Variants in GMDS observed in about 807,000 individuals in gnomAD.
GMDS encodes the protein GDP-mannose 4,6 dehydratase.
In GMDS, 20 loss-of-function variants were observed where a neutral mutation model predicts 49.9. The ratio of observed to expected loss-of-function variants is 0.40; its 90% confidence interval spans 0.28 to 0.58. The LOEUF is 0.58. GMDS is among the 20% of genes least tolerant of loss of function. The pLI is 0.42. For missense variants in GMDS, 362 were observed against 481.4 expected (o/e 0.75, Z 2.32); for synonymous variants, 177 against 178.6 (o/e 0.99, Z 0.07).
At position 1,960,828 on chromosome 6, in the gene GMDS, C is replaced by T. The variant is rs1354904571; in HGVS notation, c.484G>A (p.Val162Met). ...QASTSELYGK[V>M]QEIPQKETTP... The stretch of plus-strand genomic sequence containing the variant: ...GTCTCCTTCTGGGGTATTTCCTGCA[C>T]TTTCCCATAAAGTTCACTTGTTGAG... Residue 162 changes from valine to methionine, a missense_variant, in exon 5 of 11, where the codon GTG becomes ATG. Val to Met is a conservative substitution (Grantham distance 21). Transcript: ENST00000380815. 1.2e-6 allele frequency: 2 copies of T among 1,611,674 alleles called. No homozygotes were observed. The highest frequency in any genetic ancestry group is 2.2e-5 in the East Asian group (1 of 44,862).
chr6:1,961,051 A>C, intron 4 of GMDS, 85 bp from the exon 5 acceptor site: 25 of 666,780 alleles, frequency 3.7e-5, no homozygotes, highest in Non-Finnish European at 5.8e-5. Context: ...CTACAATTTC[A>C]CACACTGTGA....
intron 4 of GMDS, among the ~76,000 whole-genome samples, chr6:1,961,576 A>C (rs1581426790): frequency 6.6e-6 from 1 of 152,230 alleles, no homozygotes; most frequent in Non-Finnish European, 1.5e-5. Flanking sequence ...GAATAATTCG[A>C]TATTTTGCAG....
chr6:2,209,541 T>C (rs1187753568), intron 1 of GMDS, among the ~76,000 whole-genome samples: 1 of 150,692 alleles, frequency 6.6e-6, no homozygotes, highest in Non-Finnish European at 1.5e-5. Flanking sequence ...ATGTAATGTA[T>C]CTCTAATACA....
chr6:1,752,350 G>A (rs1333073512), intron 7 of GMDS, among the ~76,000 whole-genome samples: 1 of 152,182 alleles, frequency 6.6e-6, no homozygotes, highest in Non-Finnish European at 1.5e-5. Context: ...AGAATGAAAA[G>A]GAATGAACAA....
In GMDS at chr6:2,084,186, C is replaced by T. The variant is rs111713828; in HGVS notation, c.345+31585G>A. 8.7e-4 allele frequency among the ~76,000 whole-genome samples: 132 copies of T among 152,328 alleles called. 1 individual carries two copies. The Middle Eastern group carries it at 0.031, about 36-fold the overall frequency. ...CTTAATTAACCTTTTCCTTCCTCCT[C>T]ATAGATACTCTTCATATCAATTTAT... On this transcript the variant is annotated intron_variant, in intron 4 of 10. Transcript: ENST00000380815.
chr6:1,638,540 G>A (rs963793449), intron 9 of GMDS, among the ~76,000 whole-genome samples: 2 of 115,562 alleles, frequency 1.7e-5, no homozygotes, highest in African/African-American at 6.8e-5. Flanking sequence ...CTATGAGGCC[G>A]TGAGACTCCC....
At chr6:1,752,922 G>A (rs1767788912) in intron 7 of GMDS, among the ~76,000 whole-genome samples, 2 of 152,164 alleles carry the variant, frequency 1.3e-5, no homozygotes, top group South Asian at 4.1e-4. Flanking sequence ...ACCATCCACT[G>A]CAAAAACATG....
chr6:1,679,560 A>C (rs1287290851), intron 9 of GMDS: 1 of 152,272 alleles, frequency 6.6e-6, no homozygotes, highest in Admixed American at 6.5e-5. Flanking sequence ...AAGAAGGTTC[A>C]GATCCATGAG....
At chr6:2,163,709 T>C (rs1581734234) in intron 1 of GMDS, among the ~76,000 whole-genome samples, 1 of 152,210 alleles carries the variant, frequency 6.6e-6, no homozygotes. Context: ...GGACTTCAAA[T>C]ACCTGGTGAT....
intron 1 of GMDS, among the ~76,000 whole-genome samples, chr6:2,233,005 G>A (rs973328891): frequency 6.6e-6 from 1 of 152,184 alleles, no homozygotes; most frequent in African/African-American, 2.4e-5. Flanking sequence ...GGAGGGGATG[G>A]GGAGTGACTG....
In GMDS at chr6:2,012,263, C is replaced by T. The variant is rs182584199; in HGVS notation, c.346-51297G>A. Among the ~76,000 whole-genome samples the T allele has an allele frequency of 5.4e-3, 828 of 151,946 alleles. 12 individuals are homozygous for T. Among genetic ancestry groups the T allele is most frequent in the African/African-American group, 0.019 (795 of 41,432 alleles). On this transcript the variant is annotated intron_variant, in intron 4 of 10. Transcript: ENST00000380815. ...CACACCCCCTAAATTTATAGAAATA[C>T]AAATGAAATAAAATTAAAAGACTGT...
intron 4 of GMDS, among the ~76,000 whole-genome samples, chr6:2,075,617 T>C (rs1772290160): frequency 6.6e-6 from 1 of 152,234 alleles, no homozygotes; most frequent in African/African-American, 2.4e-5. Context: ...TAGTTTTCCA[T>C]GGTGTATATG....
At chr6:2,151,575 T>C (rs930056228) in intron 1 of GMDS, among the ~76,000 whole-genome samples, 25 of 152,078 alleles carry the variant, frequency 1.6e-4, no homozygotes, top group African/African-American at 6.0e-4. Context: ...TAAAAGCTCT[T>C]AGTGTAACCT....
intron 4 of GMDS, among the ~76,000 whole-genome samples, chr6:1,999,053 G>A (rs1766476482): frequency 6.6e-6 from 1 of 152,072 alleles, no homozygotes; most frequent in African/African-American, 2.4e-5. Context: ...GCCAGGTGCG[G>A]TGGCTCACGC....
At chr6:2,062,112 A>G (rs1486289171) in intron 4 of GMDS, among the ~76,000 whole-genome samples, 1 of 152,174 alleles carries the variant, frequency 6.6e-6, no homozygotes, top group East Asian at 1.9e-4. Flanking sequence ...AAGAAACCAA[A>G]GAAAGCCTGC....
At chr6:2,081,509 C>T (rs1562037526) in intron 4 of GMDS, among the ~76,000 whole-genome samples, 1 of 152,158 alleles carries the variant, frequency 6.6e-6, no homozygotes, top group African/African-American at 2.4e-5. Context: ...TAGAGCCCTT[C>T]CATCACCTCA....
chr6:1,756,638 C>T (rs1467057067), intron 7 of GMDS, among the ~76,000 whole-genome samples: 1 of 152,190 alleles, frequency 6.6e-6, no homozygotes, highest in Non-Finnish European at 1.5e-5. Flanking sequence ...AGGACAGTTC[C>T]TCTCTGCTCC....
At chr6:2,002,493 A>C (rs1022941403) in intron 4 of GMDS, among the ~76,000 whole-genome samples, 1 of 152,336 alleles carries the variant, frequency 6.6e-6, no homozygotes, top group African/African-American at 2.4e-5. Context: ...GTCAAATATT[A>C]ATCTAATGAA....
intron 1 of GMDS, among the ~76,000 whole-genome samples, chr6:2,175,329 G>A (rs753142061): frequency 1.1e-4 from 17 of 152,146 alleles, no homozygotes; most frequent in Non-Finnish European, 1.6e-4. Flanking sequence ...AGCAATTTAA[G>A]CAGTCTAAAG....
Sources: allele counts gnomAD v4.1 joint callset (sites outside exome capture counted in the v4.1 genomes callset), GRCh38; gene constraint gnomAD v4.1.1; transcripts MANE v1.5; gene names NCBI Gene and HGNC (gene_info 2026-07-23, HGNC 2026-07-21).